EFL1: variants seen among roughly 807,000 people sequenced by gnomAD.
The protein encoded by EFL1 is elongation factor like GTPase 1, also known as elongation factor-like GTPase 1.
A neutral mutation model predicts 126.7 loss-of-function variants in EFL1; 76 were observed. That is an observed-to-expected ratio of 0.60 (90% CI 0.50 to 0.73). The LOEUF is 0.73. Among genes scored for constraint, EFL1 ranks in the 30% least tolerant of loss-of-function variants. The pLI is 0.00. For missense variants in EFL1, 1,128 were observed against 1,343.2 expected (o/e 0.84, Z 2.50); for synonymous variants, 410 against 448.4 (o/e 0.91, Z 1.08).
At chr15:82,238,666 A>C (rs1405827414) in intron 6 of EFL1, 145 bp from the exon 7 acceptor site, 4 of 659,224 alleles carry the variant, frequency 6.1e-6, no homozygotes, top group Non-Finnish European at 1.0e-5. Context: ...TGACATTCAT[A>C]ATCAGTGAAT....
chr15:82,170,593 C>T (rs1019423042), intron 15 of EFL1, among the ~76,000 whole-genome samples: 5 of 152,170 alleles, frequency 3.3e-5, no homozygotes, highest in African/African-American at 1.2e-4. Flanking sequence ...TAACCTTATG[C>T]AATAAGTGGA....
At chr15:82,140,496 G>C (rs1210745943) in intron 18 of EFL1, among the ~76,000 whole-genome samples, 1 of 151,970 alleles carries the variant, frequency 6.6e-6, no homozygotes, top group African/African-American at 2.4e-5. Context: ...TTCTTCTTAT[G>C]AGTATTCTTT....
intron 17 of EFL1, among the ~76,000 whole-genome samples, chr15:82,157,192 T>C (rs575974284): frequency 6.6e-6 from 1 of 152,332 alleles, no homozygotes; most frequent in East Asian, 1.9e-4. Context: ...TGATTCTTTT[T>C]CTTCTTCTGC....
intron 15 of EFL1, among the ~76,000 whole-genome samples, chr15:82,167,687 A>G (rs1256739329): frequency 1.3e-5 from 2 of 152,172 alleles, no homozygotes; most frequent in Non-Finnish European, 2.9e-5. Flanking sequence ...GTGAATACTA[A>G]CACTGCTTTC....
intron 19 of EFL1, among the ~76,000 whole-genome samples, chr15:82,134,787 T>C (rs551777923): frequency 6.6e-6 from 1 of 152,370 alleles, no homozygotes; most frequent in South Asian, 2.1e-4. Context: ...TAGCTCCTTT[T>C]CTTCCTTTTT....
At chr15:82,156,036 T>C (rs1313435624) in intron 17 of EFL1, among the ~76,000 whole-genome samples, 1 of 152,224 alleles carries the variant, frequency 6.6e-6, no homozygotes, top group African/African-American at 2.4e-5. Context: ...CCTTATTATC[T>C]TAATAGTGTC....
intron 15 of EFL1, among the ~76,000 whole-genome samples, chr15:82,214,319 C>A (rs533074804): frequency 1.3e-5 from 2 of 152,026 alleles, no homozygotes; most frequent in African/African-American, 4.8e-5. Flanking sequence ...TAAAAGCATG[C>A]GAAAAAAGCA....
Position 82,252,786 on chromosome 15 carries a change from G to A in EFL1, c.160-11C>T. 1.4e-6 allele frequency: 2 copies of A among 1,404,140 alleles called. No individual in the cohort carries two copies. The highest frequency in any genetic ancestry group is 2.3e-5 in the East Asian group (1 of 43,656). 87.0% of individuals were successfully genotyped at this position (1,404,140 alleles called of 1,614,324 possible). ...GTCCATGTACCTTAACTGGAAAAAT[G>A]CAACATATGCATCTTCACTTCCCAA... On this transcript the variant is annotated splice_polypyrimidine_tract_variant and intron_variant, in intron 3 of 19. Coordinates refer to ENST00000268206, the MANE Select transcript of EFL1 (RefSeq NM_024580.6).
intron 4 of EFL1, among the ~76,000 whole-genome samples, chr15:82,245,751 G>A (rs1374647424): frequency 6.6e-6 from 1 of 151,832 alleles, no homozygotes; most frequent in Admixed American, 6.6e-5. Flanking sequence ...GGACAACATG[G>A]TAAGACCATC....
At chr15:82,196,495 A>C (rs548744706) in intron 15 of EFL1, among the ~76,000 whole-genome samples, 110 of 152,372 alleles carry the variant, frequency 7.2e-4, no homozygotes, top group Non-Finnish European at 1.5e-3. Context: ...AATCTCAGCT[A>C]TACAACTACA....
intron 15 of EFL1, among the ~76,000 whole-genome samples, chr15:82,213,648 G>A (rs1355149422): frequency 6.6e-6 from 1 of 152,176 alleles, no homozygotes; most frequent in African/African-American, 2.4e-5. Context: ...TATACCTCAT[G>A]TTCCATTTAA....
chr15:82,142,487 G>A (rs1387156667), intron 18 of EFL1, among the ~76,000 whole-genome samples: 2 of 152,016 alleles, frequency 1.3e-5, no homozygotes, highest in African/African-American at 4.8e-5. Context: ...AGGACCCTGT[G>A]GGAGGGAGGG....
chr15:82,159,371 C>G (rs1422650104), intron 16 of EFL1, among the ~76,000 whole-genome samples: 2 of 151,920 alleles, frequency 1.3e-5, no homozygotes, highest in Non-Finnish European at 2.9e-5. Context: ...CAATGGTTAT[C>G]ACCAAGATGA....
chr15:82,167,142 A>C (rs2074088051), intron 15 of EFL1, among the ~76,000 whole-genome samples: 1 of 152,210 alleles, frequency 6.6e-6, no homozygotes, highest in South Asian at 2.1e-4. Context: ...ATTTACAAGA[A>C]ATAAAAGAGA....
intron 15 of EFL1, among the ~76,000 whole-genome samples, chr15:82,195,412 AC>A (rs1464714063): frequency 2.0e-5 from 3 of 152,304 alleles, no homozygotes; most frequent in African/African-American, 7.2e-5. Context: ...CTAATGAAAA[AC>A]ACACACCCAA....
chr15:82,202,503 G>C (rs1175678361), intron 15 of EFL1, among the ~76,000 whole-genome samples: 1 of 152,072 alleles, frequency 6.6e-6, no homozygotes, highest in Admixed American at 6.6e-5. Flanking sequence ...TTTGCTTTTT[G>C]ATATTTTTTT....
intron 16 of EFL1, among the ~76,000 whole-genome samples, chr15:82,160,358 C>T (rs1459999127): frequency 6.6e-6 from 1 of 152,192 alleles, no homozygotes; most frequent in East Asian, 1.9e-4. Flanking sequence ...ATGCTGAACG[C>T]TTCCAAATTC....
At chr15:82,243,747 A>C (rs2074946336) in intron 4 of EFL1, among the ~76,000 whole-genome samples, 1 of 148,680 alleles carries the variant, frequency 6.7e-6, no homozygotes, top group Non-Finnish European at 1.5e-5. Context: ...ACGAATACCT[A>C]TCTACTTATC....
chr15:82,239,293 C>T (rs1303676582), intron 6 of EFL1, among the ~76,000 whole-genome samples: 14 of 152,134 alleles, frequency 9.2e-5, no homozygotes, highest in Middle Eastern at 3.4e-3. Flanking sequence ...CCTGCTACCA[C>T]GCCCGGCTAA....
Sources: gnomAD v4.1 joint callset for allele counts (sites outside exome capture counted in the v4.1 genomes callset) on GRCh38, gnomAD v4.1.1 for gene constraint, MANE v1.5 for transcripts, NCBI Gene and HGNC (gene_info 2026-07-23, HGNC 2026-07-21) for gene names.